The following RGS12 variants were observed in gnomAD, a reference collection of about 807,000 sequenced individuals.
RGS12 encodes the protein regulator of G protein signaling 12.
A neutral mutation model predicts 120.1 loss-of-function variants in RGS12; 66 were observed. The ratio of observed to expected loss-of-function variants is 0.55; its 90% CI spans 0.45 to 0.67. RGS12 has a LOEUF of 0.67. Among genes scored for constraint, RGS12 ranks in the 30% least tolerant of loss-of-function variants. The probability of loss-of-function intolerance (pLI) is 0.00; values close to 1 mark genes in which losing one functional copy is unlikely to be tolerated. For synonymous variants in RGS12, 827 were observed against 804.7 expected, an observed-to-expected ratio of 1.03 and a Z score of -0.47; for missense variants, 1,859 against 1,957.7, an observed-to-expected ratio of 0.95 and a Z score of 0.95.
chr4:3,379,232 A>G (rs1016250465), intron 3 of RGS12, among the ~76,000 whole-genome samples: 2 of 152,204 alleles, frequency 1.3e-5, no homozygotes, highest in African/African-American at 4.8e-5. Flanking sequence ...GATGTTGGAC[A>G]CAGGATACAG....
rs186791976 is a variant in RGS12 at position 3,431,548 on chromosome 4, C to G, written c.4114+593C>G. 253 of 985,988 alleles carry G rather than the reference C, an allele frequency of 2.6e-4. 3 individuals are homozygous for G. Among genetic ancestry groups the G allele is most frequent in the Non-Finnish European group, 3.1e-5 (26 of 830,328 alleles). 61.1% of individuals were successfully genotyped at this position (985,988 alleles called of 1,614,324 possible). A position where few individuals can be genotyped will look rare whatever the true frequency, so the allele number is the denominator to read the frequency against. ...CTGACCGCGGGTGTCACGGGCATTT[C>G]TCAAAGGAAGCAGGGGATTCAGTGA... On this transcript the variant is annotated intron_variant, in intron 17 of 17. Coordinates refer to ENST00000336727, the MANE Select transcript of RGS12 (RefSeq NM_001394154.1).
At chr4:3,376,603 C>T (rs1018273021) in intron 3 of RGS12, among the ~76,000 whole-genome samples, 3 of 152,250 alleles carry the variant, frequency 2.0e-5, no homozygotes, top group Non-Finnish European at 4.4e-5. Context: ...ACAGACAGCA[C>T]GGGCCTGGAG....
At chr4:3,393,709 A>G (rs953341967) in intron 4 of RGS12, among the ~76,000 whole-genome samples, 1 of 152,040 alleles carries the variant, frequency 6.6e-6, no homozygotes, top group Non-Finnish European at 1.5e-5. Flanking sequence ...TTTGTCTACT[A>G]TTCTACTGTC....
At chr4:3,403,878 C>CA (rs1720843862) in intron 4 of RGS12, among the ~76,000 whole-genome samples, 1 of 152,158 alleles carries the variant, frequency 6.6e-6, no homozygotes, top group East Asian at 1.9e-4. Context: ...CTCTGAGACC[C>CA]AAAGGGGGCT....
intron 4 of RGS12, among the ~76,000 whole-genome samples, chr4:3,399,000 C>A (rs1720325680): frequency 6.6e-6 from 1 of 152,132 alleles, no homozygotes; most frequent in African/African-American, 2.4e-5. Context: ...AAAAAGAATT[C>A]ATACATTTTA....
Position 3,422,366 on chromosome 4 carries a change from T to C in RGS12, c.2839-10T>C. On this transcript the variant is annotated splice_polypyrimidine_tract_variant and intron_variant, in intron 10 of 17. Coordinates refer to ENST00000336727, the MANE Select transcript of RGS12 (RefSeq NM_001394154.1). ...GTTCCCTCACGGCTGCTTGTCTCGC[T>C]GCTCCCCAGTCGGAGGCCTGCAGGA... 3 of 1,607,244 alleles carry C rather than the reference T, an allele frequency of 1.9e-6. No individual in the cohort carries two copies. Among genetic ancestry groups the C allele is most frequent in the East Asian group, 2.2e-5 (1 of 44,680 alleles).
Position 3,423,496 on chromosome 4 carries a change from T to A in RGS12, c.3108-19T>A, listed in dbSNP as rs759060419. ...AGGGCTGACATGAGTTGGTAGTGAATTTTTTCATCCCCCACCAGGCTGGAT... is the reference window on the plus strand; with the variant it reads ...AGGGCTGACATGAGTTGGTAGTGAAATTTTTCATCCCCCACCAGGCTGGAT... On this transcript the variant is annotated intron_variant, in intron 12 of 17. Transcript: ENST00000336727. 2 of 1,612,242 alleles carry A rather than the reference T, an allele frequency of 1.2e-6. No homozygotes were observed. The highest frequency in any genetic ancestry group is 1.7e-6 in the Non-Finnish European group (2 of 1,179,240).
chr4:3,400,908 A>G (rs980622720), intron 4 of RGS12, among the ~76,000 whole-genome samples: 5 of 151,720 alleles, frequency 3.3e-5, no homozygotes, highest in Non-Finnish European at 7.4e-5. Flanking sequence ...ATAGGCAAGG[A>G]TGTTCTCTAT....
intron 5 of RGS12, 78 bp from the exon 6 acceptor site, chr4:3,414,674 T>C: frequency 9.8e-7 from 1 of 1,024,134 alleles, no homozygotes; most frequent in Admixed American, 1.8e-5. Context: ...AGTGACCCCG[T>C]GGTTTCTGTA....
At chr4:3,342,910 C>A (rs752785034) in intron 2 of RGS12, 27 bp from the exon 3 acceptor site, 3 of 1,462,926 alleles carry the variant, frequency 2.1e-6, no homozygotes, top group Non-Finnish European at 2.9e-6. Context: ...AAAAGAATAA[C>A]CTGATGCCTT....
chr4:3,387,536 G>A (rs1577029006), intron 4 of RGS12, among the ~76,000 whole-genome samples: 1 of 152,342 alleles, frequency 6.6e-6, no homozygotes, highest in Middle Eastern at 3.4e-3. Context: ...ACCTGAAGCC[G>A]AGACCAGAGG....
intron 2 of RGS12, among the ~76,000 whole-genome samples, chr4:3,319,612 T>G (rs1725044271): frequency 6.6e-6 from 1 of 152,136 alleles, no homozygotes; most frequent in Non-Finnish European, 1.5e-5. Flanking sequence ...GCCTGGCTAA[T>G]TTTTATATTT....
rs201127240 is a variant in RGS12 at position 3,312,386 on chromosome 4, TC to T, written c.-101-3683del. The T allele has an allele frequency of 7.4e-3, 1,298 of 176,252 alleles. 7 individuals are homozygous for T. The highest frequency in any genetic ancestry group is 0.013 in the Middle Eastern group (4 of 316). The allele number at this position is 176,252 out of a possible 1,614,324, so 10.9% of individuals were successfully genotyped here. ...GAAAAATTAAAACATTAGCCAAGGTTCACTGGGTGTCTTCTCCTTGGCCCCT... is the reference window on the plus strand; with the variant it reads ...GAAAAATTAAAACATTAGCCAAGGTTACTGGGTGTCTTCTCCTTGGCCCCT... On this transcript the variant is annotated intron_variant, in intron 1 of 17. Coordinates refer to ENST00000336727, the MANE Select transcript of RGS12 (RefSeq NM_001394154.1).
intron 2 of RGS12, among the ~76,000 whole-genome samples, chr4:3,328,062 A>G (rs2857860): frequency 0.24 from 36,073 of 152,288 alleles, 4,799 homozygotes; most frequent in South Asian, 0.35. Context: ...TTCAGCCATC[A>G]AAAGAATGAA....
intron 3 of RGS12, among the ~76,000 whole-genome samples, chr4:3,354,029 C>T (rs1173557172): frequency 3.3e-5 from 5 of 152,170 alleles, no homozygotes; most frequent in Non-Finnish European, 7.4e-5. Flanking sequence ...TCTGTTCTGG[C>T]GTTCCTTTAA....
chr4:3,327,998 A>G (rs1725677042), intron 2 of RGS12, among the ~76,000 whole-genome samples: 1 of 152,254 alleles, frequency 6.6e-6, no homozygotes, highest in Admixed American at 6.5e-5. Context: ...CTAAGTGTCC[A>G]TCGGTGGATG....
At chr4:3,346,511 C>G (rs1457436512) in intron 3 of RGS12, among the ~76,000 whole-genome samples, 1 of 152,074 alleles carries the variant, frequency 6.6e-6, no homozygotes, top group Admixed American at 6.5e-5. Context: ...CTTGGTGTGG[C>G]CCACGCATCA....
chr4:3,362,823 G>A (rs1297167972), intron 3 of RGS12, among the ~76,000 whole-genome samples: 1 of 149,844 alleles, frequency 6.7e-6, no homozygotes, highest in Admixed American at 6.6e-5. Flanking sequence ...GGGTGTGTCA[G>A]TGTGTTTGAG....
At chr4:3,302,391 T>A (rs1431159222) in intron 1 of RGS12, among the ~76,000 whole-genome samples, 1 of 140,884 alleles carries the variant, frequency 7.1e-6, no homozygotes, top group Non-Finnish European at 1.6e-5. Flanking sequence ...GTGGGTGGGG[T>A]TGGGGGCTTG....
Sources: allele counts gnomAD v4.1 joint callset (sites outside exome capture counted in the v4.1 genomes callset), GRCh38; gene constraint gnomAD v4.1.1; transcripts MANE v1.5; gene names NCBI Gene and HGNC (gene_info 2026-07-23, HGNC 2026-07-21).